KRTAP9-9: variants seen among roughly 807,000 people sequenced by gnomAD.
KRTAP9-9 encodes keratin associated protein 9-9.
A neutral mutation model predicts 13.7 loss-of-function variants in KRTAP9-9; 12 were observed. The observed-to-expected ratio is 0.88, with a 90% CI of 0.56 to 1.42. The LOEUF is 1.42. Among genes scored for constraint, KRTAP9-9 ranks in the 40% most tolerant of loss-of-function variants. KRTAP9-9 has a pLI of 0.00. For missense variants in KRTAP9-9, 194 were observed against 206.5 expected (o/e 0.94, Z 0.37); for synonymous variants, 81 against 78.1 (o/e 1.04, Z -0.19).
exon 1 of KRTAP9-9, chr17:41,255,995 T>C (rs2016317540): frequency 2.2e-6 from 3 of 1,333,426 alleles, no homozygotes; most frequent in Non-Finnish European, 2.1e-6. Flanking sequence ...AGCAACCATG[T>C]TCTCACCCAA....
At position 41,255,734 on chromosome 17, in the gene KRTAP9-9, T is replaced by C. The variant is rs776992657; in HGVS notation, c.349T>C (p.Tyr117His). Residue 117 changes from tyrosine to histidine, a missense_variant, in exon 1 of 1, where the codon TAC becomes CAC. Coordinates refer to ENST00000394008, the Ensembl canonical transcript of KRTAP9-9. ...TGTGTACTGCAGAAGAACCTGCTAC[T>C]ACCCGACGACTGTCTGCCTGCCTGG... 1.0e-3 allele frequency: 1,692 copies of C among 1,612,976 alleles called. 17 individuals carry two copies. In the African/African-American group the frequency reaches 0.02, roughly 19 times the overall value.
At position 41,255,405 on chromosome 17, in the gene KRTAP9-9, C is replaced by T. The variant is rs774138917; in HGVS notation, c.20C>T (p.Pro7Leu). ...GACACCATGACCCACTGTTGCTCCC[C>T]TTGCTGTCAGCCTACCTGCTGCAGG... is the stretch of plus-strand genomic sequence containing the variant. The change falls in exon 1 of 1, where the codon CCT (proline) becomes CTT (leucine). Residue 7 changes from proline (P) to leucine (L), a missense_variant. Coordinates refer to ENST00000394008, the Ensembl canonical transcript of KRTAP9-9. 1.6e-5 allele frequency: 26 copies of T among 1,589,058 alleles called. No individual in the cohort carries two copies. The African/African-American group carries it at 3.1e-4, about 19-fold the overall frequency.
exon 1 of KRTAP9-9, chr17:41,256,271 T>G: frequency 3.2e-6 from 1 of 308,456 alleles, no homozygotes; most frequent in Non-Finnish European, 6.3e-6. Context: ...GTATCCTGCT[T>G]CCTTCTTTTA....
At position 41,255,917 on chromosome 17, in the gene KRTAP9-9, A is replaced by G. The variant is rs749648433; in HGVS notation, c.*22A>G. ...CTGATCAAGTCCCAAGAGAACAACC[A>G]TCTTCACACAACAACCTTCTGCTCA... On this transcript the variant is annotated 3_prime_UTR_variant, in exon 1 of 1. Coordinates refer to ENST00000394008, the Ensembl canonical transcript of KRTAP9-9. 3 of 1,612,250 alleles carry G rather than the reference A, an allele frequency of 1.9e-6. No individual in the cohort carries two copies. The South Asian group carries it at 3.3e-5, about 18-fold the overall frequency.
rs570688350 is a variant in KRTAP9-9 at position 41,255,731 on chromosome 17, T to C, written c.346T>C (p.Tyr116His). ...ACCTGTGTACTGCAGAAGAACCTGC[T>C]ACTACCCGACGACTGTCTGCCTGCC... The change falls in exon 1 of 1, where the codon TAC becomes CAC. Residue 116 changes from tyrosine (Y) to histidine (H), a missense_variant. Transcript: ENST00000394008. The C allele has an allele frequency of 5.0e-6, 8 of 1,613,640 alleles. No homozygotes were observed. In the South Asian group the frequency reaches 6.6e-5, roughly 13 times the overall value.
At chr17:41,255,464 T>A in exon 1 of KRTAP9-9, 1 of 1,583,758 alleles carries the variant, frequency 6.3e-7, no homozygotes, top group African/African-American at 1.4e-5. Context: ...TGTGACCACC[T>A]GCAGCAGCAC....
At chr17:41,256,076 G>A (rs1345120304) in exon 1 of KRTAP9-9, 8 of 1,140,830 alleles carry the variant, frequency 7.0e-6, no homozygotes, top group Non-Finnish European at 9.9e-6. Flanking sequence ...ACTTCATCCT[G>A]ATTCTCTTTT....
At chr17:41,255,597 G>T in exon 1 of KRTAP9-9, 1 of 1,613,746 alleles carries the variant, frequency 6.2e-7, no homozygotes, top group Non-Finnish European at 8.5e-7. Context: ...ACCAGCTGCT[G>T]CCAGCCTTCC....
At chr17:41,256,163 T>C (rs2016321147) in exon 1 of KRTAP9-9, 2 of 623,314 alleles carry the variant, frequency 3.2e-6, no homozygotes, top group South Asian at 4.7e-5. Context: ...GACTCAAAAG[T>C]CAAGAGCTTC....
exon 1 of KRTAP9-9, chr17:41,255,797 C>T (rs1175620807): frequency 1.2e-6 from 2 of 1,613,466 alleles, no homozygotes; most frequent in Non-Finnish European, 1.7e-6. Context: ...CTGCTGCCAG[C>T]CCTGCTGCCG....
exon 1 of KRTAP9-9, chr17:41,256,036 C>CT (rs1268287091): frequency 2.0e-6 from 3 of 1,481,924 alleles, no homozygotes; most frequent in Non-Finnish European, 2.7e-6. Context: ...TATTTAAAAT[C>CT]TTGTGAATCA....
exon 1 of KRTAP9-9, chr17:41,255,609 G>C: frequency 6.2e-7 from 1 of 1,613,790 alleles, no homozygotes; most frequent in Non-Finnish European, 8.5e-7. Flanking sequence ...CAGCCTTCCT[G>C]CTGCAGCACA....
exon 1 of KRTAP9-9, chr17:41,255,916 C>A (rs369991032): frequency 1.2e-6 from 2 of 1,612,186 alleles, no homozygotes; most frequent in Admixed American, 3.3e-5. Context: ...AGAGAACAAC[C>A]ATCTTCACAC....
exon 1 of KRTAP9-9, chr17:41,256,044 T>A (rs1299542358): frequency 4.8e-6 from 7 of 1,463,952 alleles, no homozygotes; most frequent in Non-Finnish European, 6.5e-6. Context: ...ATCTTGTGAA[T>A]CAGCTTGAGG....
At chr17:41,256,138 C>T (rs967214411) in exon 1 of KRTAP9-9, 16 of 732,430 alleles carry the variant, frequency 2.2e-5, no homozygotes, top group Non-Finnish European at 3.3e-5. Flanking sequence ...AATTTTGAGT[C>T]ATGGTCTCAG....
chr17:41,255,565 C>A (rs879104452), exon 1 of KRTAP9-9: 3 of 1,612,394 alleles, frequency 1.9e-6, no homozygotes, highest in Non-Finnish European at 1.7e-6. Context: ...GCAGGACCAC[C>A]TGCTGCCAGC....
In KRTAP9-9 at chr17:41,256,009, T is replaced by G. The variant is rs2016317950; in HGVS notation, c.*114T>G. On this transcript the variant is annotated 3_prime_UTR_variant, in exon 1 of 1. Coordinates refer to ENST00000394008, the Ensembl canonical transcript of KRTAP9-9. ...CAGCAACCATGTTCTCACCCAAATT[T>G]TTATGAATTCTCTGCATATTTAAAA... 3.3e-6 allele frequency: 5 copies of G among 1,529,476 alleles called. No homozygotes were observed. The South Asian group carries it at 6.4e-5, about 20-fold the overall frequency. The allele number at this position is 1,529,476 out of a possible 1,614,324, so 94.7% of individuals were successfully genotyped here.
At chr17:41,255,988 A>C (rs2016317405) in exon 1 of KRTAP9-9, 12 of 1,504,110 alleles carry the variant, frequency 8.0e-6, no homozygotes, top group Non-Finnish European at 9.9e-6. Context: ...TGCTGACAGC[A>C]ACCATGTTCT....
exon 1 of KRTAP9-9, chr17:41,256,143 T>C (rs2016320678): frequency 1.4e-6 from 1 of 710,932 alleles, no homozygotes; most frequent in Admixed American, 3.1e-5. Context: ...TGAGTCATGG[T>C]CTCAGCTTTG....
Sources: gnomAD v4.1 joint callset for allele counts on GRCh38, gnomAD v4.1.1 for gene constraint, MANE v1.5 for transcripts, NCBI Gene and HGNC (gene_info 2026-07-23, HGNC 2026-07-21) for gene names.